TBC1D1: variants seen among roughly 807,000 people sequenced by gnomAD.
The protein encoded by TBC1D1 is TBC1 (tre-2/USP6, BUB2, cdc16) domain family, member 1.
In TBC1D1, 89 loss-of-function variants were observed where a neutral mutation model predicts 125.6. The observed-to-expected ratio is 0.71, with a 90% CI of 0.60 to 0.85. TBC1D1 has a LOEUF of 0.85. TBC1D1 is among the 40% of genes least tolerant of loss of function. The pLI is 0.00. For synonymous variants in TBC1D1, 565 were observed against 564.1 expected (o/e 1.00, Z -0.02); for missense variants, 1,377 against 1,469.2 (o/e 0.94, Z 1.03).
intron 7 of TBC1D1, among the ~76,000 whole-genome samples, chr4:38,030,670 G>A (rs932306394): frequency 5.3e-5 from 8 of 152,162 alleles, no homozygotes; most frequent in African/African-American, 1.9e-4. Flanking sequence ...GGAAAAAGGT[G>A]GCTTTGCAGT....
intron 2 of TBC1D1, among the ~76,000 whole-genome samples, chr4:37,963,516 G>T (rs571189106): frequency 9.8e-5 from 15 of 152,304 alleles, no homozygotes; most frequent in Admixed American, 9.2e-4. Flanking sequence ...AGCCGGGCAT[G>T]GTGGCACATG....
intron 19 of TBC1D1, among the ~76,000 whole-genome samples, chr4:38,134,410 C>T (rs1373236475): frequency 6.3e-5 from 1 of 15,942 alleles, no homozygotes; most frequent in Admixed American, 5.3e-4. Context: ...TCTTTTTTTC[C>T]CCTGAGATGT....
intron 2 of TBC1D1, among the ~76,000 whole-genome samples, chr4:37,904,813 C>T (rs1478747493): frequency 6.6e-6 from 1 of 152,188 alleles, no homozygotes; most frequent in Non-Finnish European, 1.5e-5. Flanking sequence ...TTGTTGGAAA[C>T]AGAACAGTAA....
At chr4:37,949,135 A>G (rs1417329073) in intron 2 of TBC1D1, among the ~76,000 whole-genome samples, 1 of 152,242 alleles carries the variant, frequency 6.6e-6, no homozygotes, top group Non-Finnish European at 1.5e-5. Context: ...AGAGGCATAT[A>G]TCAATCACAG....
At chr4:38,091,036 A>C (rs1207793089) in intron 13 of TBC1D1, among the ~76,000 whole-genome samples, 1 of 152,254 alleles carries the variant, frequency 6.6e-6, no homozygotes, top group African/African-American at 2.4e-5. Context: ...TTTCAGTTGC[A>C]TAGCTAGTGT....
At chr4:38,093,934 T>C (rs1049284744) in intron 13 of TBC1D1, among the ~76,000 whole-genome samples, 8 of 152,220 alleles carry the variant, frequency 5.3e-5, no homozygotes, top group Non-Finnish European at 1.2e-4. Flanking sequence ...TTATTACCAG[T>C]TGAGCTAATC....
intron 2 of TBC1D1, among the ~76,000 whole-genome samples, chr4:37,961,305 T>G (rs1730005386): frequency 6.6e-6 from 1 of 152,162 alleles, no homozygotes; most frequent in Non-Finnish European, 1.5e-5. Flanking sequence ...GGCCAAGAAC[T>G]TCTACATCTT....
chr4:38,044,472 A>C lies in TBC1D1; in HGVS notation c.1524A>C (p.Leu508Phe). The C allele has an allele frequency of 3.1e-6, 5 of 1,610,352 alleles. 1 individual carries two copies. The South Asian group carries it at 5.6e-5, about 18-fold the overall frequency. Reference sequence around the variant, plus strand: ...CAAAGAGATCTTTAACAGAGTCTTTAGAAAGTATTTTGTCCCGGGTAAGTA... The same window carrying C: ...CAAAGAGATCTTTAACAGAGTCTTTCGAAAGTATTTTGTCCCGGGTAAGTA... The change falls in exon 9 of 20, where the codon TTA (leucine) becomes TTC (phenylalanine). Residue 508 changes from leucine to phenylalanine, a missense_variant. This residue lies in a region of TBC1D1 where 822 missense variants were observed against 824.6 expected (regional missense o/e 1.00). Transcript: ENST00000261439.
At chr4:38,080,422 A>T (rs1447733845) in intron 12 of TBC1D1, among the ~76,000 whole-genome samples, 1 of 152,152 alleles carries the variant, frequency 6.6e-6, no homozygotes, top group African/African-American at 2.4e-5. Context: ...TGTGGTCAGG[A>T]TGGTGGCCTT....
Position 38,137,298 on chromosome 4 carries a change from AG to A in TBC1D1, c.3471del (p.Glu1157AspfsTer81), listed in dbSNP as rs1192423316. On this transcript the variant is annotated frameshift_variant, in exon 20 of 20. Transcript: ENST00000261439. LOFTEE classifies it low-confidence loss of function (END_TRUNC). ...CGGAGCGCAGAGCCCAGCGACCGGG[AG>A]CCTGAGTGCACGCAGCCCGAGCCCA... 6.2e-7 allele frequency: 1 copy of A among 1,611,420 alleles called. No individual in the cohort carries two copies. The highest frequency in any genetic ancestry group is 8.5e-7 in the Non-Finnish European group (1 of 1,179,858).
intron 6 of TBC1D1, among the ~76,000 whole-genome samples, chr4:38,023,980 A>G (rs1744590709): frequency 6.6e-6 from 1 of 152,118 alleles, no homozygotes; most frequent in Non-Finnish European, 1.5e-5. Context: ...AAGATTTGCT[A>G]CTTTCTGTTT....
chr4:37,981,151 C>T (rs2152366929), intron 2 of TBC1D1, among the ~76,000 whole-genome samples: 1 of 152,202 alleles, frequency 6.6e-6, no homozygotes, highest in South Asian at 2.1e-4. Context: ...CCAGGTTGGC[C>T]AGGCCGGTCT....
At position 37,977,893 on chromosome 4, in the gene TBC1D1, G is replaced by C. The variant is rs1248343178; in HGVS notation, c.418-36616G>C. On this transcript the variant is annotated intron_variant, in intron 2 of 19. Transcript: ENST00000261439. The surrounding 1 kb of genome is among the most constrained non-coding windows in gnomAD (Gnocchi z 4.3). ...GCGGGACCTCGCGGAAGTCGACCCC[G>C]CGTGTCTCCCTCGCGGGTGTCGCCC... is the stretch of plus-strand genomic sequence containing the variant. 1.3e-5 allele frequency among the ~76,000 whole-genome samples: 2 copies of C among 152,058 alleles called. No homozygotes were observed. The highest frequency in any genetic ancestry group is 2.4e-5 in the African/African-American group (1 of 41,408).
intron 2 of TBC1D1, among the ~76,000 whole-genome samples, chr4:37,965,852 GC>G (rs1730959392): frequency 6.6e-6 from 1 of 152,058 alleles, no homozygotes; most frequent in South Asian, 2.1e-4. Context: ...CCAGATTCAA[GC>G]GATTCTCCTG....
intron 2 of TBC1D1, among the ~76,000 whole-genome samples, chr4:37,948,141 A>T (rs796982428): frequency 2.0e-5 from 3 of 152,304 alleles, no homozygotes; most frequent in African/African-American, 4.8e-5. Flanking sequence ...GAGTGTGAAG[A>T]CAGGGCTAGA....
At chr4:37,951,588 C>T (rs934512548) in intron 2 of TBC1D1, among the ~76,000 whole-genome samples, 4 of 152,116 alleles carry the variant, frequency 2.6e-5, no homozygotes, top group Non-Finnish European at 1.5e-5. Context: ...AGACTCTCCG[C>T]GAGATTTATC....
At chr4:38,033,054 AG>A (rs1229226631) in intron 7 of TBC1D1, among the ~76,000 whole-genome samples, 10 of 152,212 alleles carry the variant, frequency 6.6e-5, no homozygotes, top group Non-Finnish European at 1.5e-4. Context: ...TCCATGACGC[AG>A]TCTCTGATTC....
Position 38,103,118 on chromosome 4 carries a change from C to T in TBC1D1, c.2518C>T (p.Gln840Ter), listed in dbSNP as rs1760667845. The T allele has an allele frequency of 1.2e-6, 2 of 1,613,902 alleles. No individual in the cohort carries two copies. Among genetic ancestry groups the T allele is most frequent in the Non-Finnish European group, 1.7e-6 (2 of 1,179,946 alleles). The stretch of plus-strand genomic sequence containing the variant: ...TGTGCCATACAAAGAACTCTTAAAG[C>T]AGCTGACTTCCCAGCAGCATGCGAT... Residue 840 changes from glutamine to a stop codon, truncating the protein, a stop_gained, in exon 15 of 20, where the codon CAG becomes TAG. Coordinates refer to ENST00000261439, the MANE Select transcript of TBC1D1 (RefSeq NM_015173.4). LOFTEE classifies it high-confidence loss of function.
chr4:37,930,085 C>G (rs66957091), intron 2 of TBC1D1, among the ~76,000 whole-genome samples: 22,104 of 152,066 alleles, frequency 0.15, 1,699 homozygotes, highest in Middle Eastern at 0.17. Context: ...ACGTGGTTTA[C>G]AGTAGCCCAA....
Sources: allele counts gnomAD v4.1 joint callset (sites outside exome capture counted in the v4.1 genomes callset), GRCh38; gene constraint gnomAD v4.1.1; regional missense constraint gnomAD v4.1.1; non-coding constraint Gnocchi (gnomAD v3.1); transcripts MANE v1.5; gene names NCBI Gene and HGNC (gene_info 2026-07-23, HGNC 2026-07-21).